SIDT1: variants seen among roughly 807,000 people sequenced by gnomAD.
SIDT1 encodes SID1 transmembrane family, member 1.
A neutral mutation model predicts 107.5 loss-of-function variants in SIDT1; 101 were observed. That is an observed-to-expected ratio of 0.94 (90% confidence interval 0.80 to 1.11). The LOEUF (loss-of-function observed/expected upper bound fraction) is 1.11, where lower values mean the gene tolerates loss of function less well. Among genes scored for constraint, SIDT1 ranks in the 50% least tolerant of loss-of-function variants. The pLI is 0.00. For missense variants in SIDT1, 1,076 were observed against 1,058.2 expected (o/e 1.02, Z -0.23); for synonymous variants, 395 against 398.2 (o/e 0.99, Z 0.10).
chr3:113,566,470 C>G lies in SIDT1; in HGVS notation c.273C>G (p.Tyr91Ter), dbSNP rs1189227721. 6.2e-7 allele frequency: 1 copy of G among 1,614,112 alleles called. No homozygotes were observed. The highest frequency in any genetic ancestry group is 1.1e-5 in the South Asian group (1 of 91,086). ...ACAGTTCCTCTGAGAATCTCAACTA[C>G]CCGGTCCTTGTTGTGGTTCGCCAGC... is the stretch of plus-strand genomic sequence containing the variant. The part of the protein sequence containing the change: ...YVNSSSENLN[Y>*]PVLVVVRQQK... The change falls in exon 2 of 25, where the codon TAC (tyrosine) becomes TAG (stop). Residue 91 changes from tyrosine to a stop codon, truncating the protein, a stop_gained. Transcript: ENST00000264852. LOFTEE classifies it high-confidence loss of function.
rs115052988 is a variant in SIDT1, at chr3:113,550,684, A to G, written c.223-15736A>G. 2.4e-3 allele frequency among the ~76,000 whole-genome samples: 362 copies of G among 152,296 alleles called. 1 individual carries two copies. The highest frequency in any genetic ancestry group is 8.2e-3 in the African/African-American group (342 of 41,562). On this transcript the variant is annotated intron_variant, in intron 1 of 24. Coordinates refer to ENST00000264852, the MANE Select transcript of SIDT1 (RefSeq NM_017699.3). ...TTTGAACCATAGGAAAGAGGTAGCT[A>G]TATTTTAAGAATTCAAAAGACCTTT...
At chr3:113,626,415 T>A (rs550151278) in intron 24 of SIDT1, among the ~76,000 whole-genome samples, 200 bp downstream of exon 24, 162 of 152,298 alleles carry the variant, frequency 1.1e-3, no homozygotes, top group Middle Eastern at 3.4e-3. Context: ...TTTCTTTTAC[T>A]CTTCAATATC....
chr3:113,591,849 A>G (rs1168629131), intron 9 of SIDT1, among the ~76,000 whole-genome samples: 1 of 152,272 alleles, frequency 6.6e-6, no homozygotes, highest in Non-Finnish European at 1.5e-5. Context: ...ACAAATGTTC[A>G]TAACAGTATT....
chr3:113,558,539 TA>T (rs778242265), intron 1 of SIDT1, among the ~76,000 whole-genome samples: 12 of 151,986 alleles, frequency 7.9e-5, no homozygotes, highest in Non-Finnish European at 1.5e-4. Context: ...CCTCGTGGAG[TA>T]AAGGAAAGAC....
chr3:113,542,154 C>T (rs887493321), intron 1 of SIDT1, among the ~76,000 whole-genome samples: 6 of 152,002 alleles, frequency 3.9e-5, no homozygotes, highest in African/African-American at 1.5e-4. Context: ...AACTCCTGAC[C>T]TCAGGAGATC....
chr3:113,558,928 A>G (rs1941160465), intron 1 of SIDT1, among the ~76,000 whole-genome samples: 1 of 152,244 alleles, frequency 6.6e-6, no homozygotes, highest in South Asian at 2.1e-4. Context: ...AAGTTAAATA[A>G]ATGAGAAAAT....
At chr3:113,625,896 A>T (rs1946816320) in intron 23 of SIDT1, 2 of 542,476 alleles carry the variant, frequency 3.7e-6, no homozygotes, top group Non-Finnish European at 6.5e-6. Flanking sequence ...TCGTAGCTTG[A>T]TGTAATCTCG....
At chr3:113,606,850 AC>A in intron 14 of SIDT1, 190 bp from the exon 15 acceptor site, 2 of 494,442 alleles carry the variant, frequency 4.0e-6, no homozygotes, top group Non-Finnish European at 7.3e-6. Flanking sequence ...CAAGATGGTA[AC>A]TTTTTTGTAA....
the SIDT1 span, among the ~76,000 whole-genome samples, chr3:113,637,034 G>C: frequency 6.6e-6 from 1 of 152,172 alleles, no homozygotes; most frequent in Non-Finnish European, 1.5e-5. Context: ...TCACAGCCAG[G>C]TAACAGGGGA....
intron 19 of SIDT1, among the ~76,000 whole-genome samples, chr3:113,613,029 T>C (rs1372049619): frequency 6.6e-6 from 1 of 152,190 alleles, no homozygotes; most frequent in Non-Finnish European, 1.5e-5. Flanking sequence ...GGGAAAAATA[T>C]ACCTCCATTG....
chr3:113,585,393 T>C (rs1304505822), intron 9 of SIDT1, 123 bp downstream of exon 9: 2 of 731,114 alleles, frequency 2.7e-6, no homozygotes, highest in Non-Finnish European at 4.8e-6. Flanking sequence ...CAATGTGACC[T>C]TGGATACCTT....
chr3:113,573,863 G>A (rs746542514), intron 3 of SIDT1, among the ~76,000 whole-genome samples: 7 of 152,178 alleles, frequency 4.6e-5, no homozygotes, highest in Non-Finnish European at 1.0e-4. Flanking sequence ...CAGTATTTTT[G>A]TTATAGCTGC....
intron 15 of SIDT1, among the ~76,000 whole-genome samples, chr3:113,607,791 G>A (rs1265214909): frequency 6.6e-6 from 1 of 152,220 alleles, no homozygotes; most frequent in Non-Finnish European, 1.5e-5. Context: ...CTTTGAAGCA[G>A]CTGTCTTTCC....
At chr3:113,543,125 G>C (rs983694904) in intron 1 of SIDT1, among the ~76,000 whole-genome samples, 1 of 152,006 alleles carries the variant, frequency 6.6e-6, no homozygotes, top group African/African-American at 2.4e-5. Flanking sequence ...ATTTTTAGGA[G>C]AGACAGGGTT....
At chr3:113,610,841 A>G (rs1187274577) in intron 17 of SIDT1, among the ~76,000 whole-genome samples, 167 bp from the exon 18 acceptor site, 1 of 152,146 alleles carries the variant, frequency 6.6e-6, no homozygotes, top group East Asian at 1.9e-4. Flanking sequence ...CTCCTAGAGA[A>G]TGTGCCAAGA....
chr3:113,543,709 T>A (rs970226777), intron 1 of SIDT1, among the ~76,000 whole-genome samples: 7 of 152,234 alleles, frequency 4.6e-5, no homozygotes, highest in Non-Finnish European at 4.4e-5. Context: ...ATTGCTTCTT[T>A]TTCTGTAACT....
chr3:113,583,050 T>C (rs764585305), intron 6 of SIDT1, among the ~76,000 whole-genome samples: 2 of 152,212 alleles, frequency 1.3e-5, no homozygotes, highest in Non-Finnish European at 2.9e-5. Flanking sequence ...AGAAAAGTGA[T>C]TTATCATTAG....
chr3:113,577,683 G>A (rs1005149299), intron 4 of SIDT1, among the ~76,000 whole-genome samples: 5 of 152,080 alleles, frequency 3.3e-5, no homozygotes, highest in East Asian at 1.9e-4. Flanking sequence ...TAGCATGTTC[G>A]AAACAAGTTT....
chr3:113,573,879 T>C (rs1942684080), intron 3 of SIDT1, among the ~76,000 whole-genome samples: 1 of 152,212 alleles, frequency 6.6e-6, no homozygotes, highest in African/African-American at 2.4e-5. Context: ...GCTGCCTGAA[T>C]AGGCTAAGAC....
Sources: gnomAD v4.1 joint callset for allele counts (sites outside exome capture counted in the v4.1 genomes callset) on GRCh38, gnomAD v4.1.1 for gene constraint, MANE v1.5 for transcripts, NCBI Gene and HGNC (gene_info 2026-07-23, HGNC 2026-07-21) for gene names.